The following SLC16A1 variants were observed in gnomAD, a reference collection of about 807,000 sequenced individuals.
SLC16A1 encodes the protein monocarboxylate transporter 1.
In SLC16A1, 11 loss-of-function variants were observed where a neutral mutation model predicts 32.2. The observed-to-expected ratio is 0.34, with a 90% CI of 0.21 to 0.56. The LOEUF is 0.56. Ranked by LOEUF, SLC16A1 falls within the 20% of genes least tolerant of loss-of-function variation. SLC16A1 has a pLI of 0.87. For synonymous variants in SLC16A1, 231 were observed against 226.8 expected (o/e 1.02, Z -0.17); for missense variants, 435 against 615.0 (o/e 0.71, Z 3.10).
At position 112,934,565 on chromosome 1, in the gene SLC16A1, C is replaced by G. The variant is rs557606034; in HGVS notation, c.-44-5213G>C. Among the ~76,000 whole-genome samples, 171 of 152,180 alleles carry G rather than the reference C, an allele frequency of 1.1e-3. 1 individual carries two copies. The highest frequency in any genetic ancestry group is 3.9e-3 in the African/African-American group (161 of 41,536). Reference sequence around the variant, plus strand: ...AGCTGATCAAAACCAAAAGAAAGTCCAAGGACAGTGACAAGGGGAATAAAA... The same window carrying G: ...AGCTGATCAAAACCAAAAGAAAGTCGAAGGACAGTGACAAGGGGAATAAAA... On this transcript the variant is annotated intron_variant, in intron 1 of 4. Transcript: ENST00000369626.
chr1:112,943,723 G>A (rs1395295595), intron 1 of SLC16A1, among the ~76,000 whole-genome samples: 2 of 148,998 alleles, frequency 1.3e-5, no homozygotes, highest in Admixed American at 6.7e-5. Context: ...AGGAGGCGGA[G>A]GTTGTGGTGA....
chr1:112,917,938 C>A lies in SLC16A1; in HGVS notation c.468G>T (p.Val156=). Residue 156 remains valine (V), a synonymous_variant, in exon 4 of 5, where the codon GTG becomes GTT. Transcript: ENST00000369626. The surrounding 1 kb of genome is among the most constrained non-coding windows in gnomAD (Gnocchi z 4.1). ...ANGLAMAGSP[V]FLCTLAPLNQ... ...TGAGGGGGGCCAGAGTACAGAGGAA[C>A]ACAGGGCTGCCTGCCATGGCCAGTC... The A allele has an allele frequency of 6.3e-7, 1 of 1,595,592 alleles. No homozygotes were observed. Among genetic ancestry groups the A allele is most frequent in the Non-Finnish European group, 8.5e-7 (1 of 1,174,540 alleles).
chr1:112,948,152 G>A (rs1649765774), intron 1 of SLC16A1, among the ~76,000 whole-genome samples: 1 of 152,104 alleles, frequency 6.6e-6, no homozygotes, highest in Non-Finnish European at 1.5e-5. Flanking sequence ...CCCAGGAGGC[G>A]GAGGTTGCAA....
At chr1:112,955,709 C>A (rs1475036418) in intron 1 of SLC16A1, 1 of 152,292 alleles carries the variant, frequency 6.6e-6, no homozygotes, top group Non-Finnish European at 1.5e-5. Flanking sequence ...TCTCGAGGAG[C>A]CTATTGAAGA....
At chr1:112,933,753 G>T (rs1289793723) in intron 1 of SLC16A1, among the ~76,000 whole-genome samples, 1 of 152,124 alleles carries the variant, frequency 6.6e-6, no homozygotes, top group Non-Finnish European at 1.5e-5. Context: ...GACTTTGTGG[G>T]GTTATAAAGC....
intron 4 of SLC16A1, among the ~76,000 whole-genome samples, chr1:112,915,150 G>A (rs762123764): frequency 1.2e-4 from 19 of 152,224 alleles, no homozygotes; most frequent in Non-Finnish European, 2.1e-4. Context: ...CTGAGGATAA[G>A]GGTGAACAGA....
chr1:112,951,630 A>G (rs1422385890), intron 1 of SLC16A1, among the ~76,000 whole-genome samples: 3 of 152,204 alleles, frequency 2.0e-5, no homozygotes, highest in African/African-American at 4.8e-5. Flanking sequence ...TCCAAGAAAG[A>G]GCATGAAAGA....
intron 3 of SLC16A1, among the ~76,000 whole-genome samples, chr1:112,921,140 CA>C (rs11352959): frequency 0.31 from 26,977 of 88,208 alleles, 2,364 homozygotes; most frequent in African/African-American, 0.39. Flanking sequence ...GACTCCGTCT[CA>C]AAAAAAAAAA....
intron 2 of SLC16A1, among the ~76,000 whole-genome samples, chr1:112,927,965 A>C (rs1331733949): frequency 2.6e-5 from 4 of 152,328 alleles, no homozygotes; most frequent in East Asian, 1.9e-4. Context: ...AAATCCTGGC[A>C]GAATGGAGTT....
chr1:112,923,381 C>T (rs1557846822), intron 2 of SLC16A1: 3 of 591,806 alleles, frequency 5.1e-6, no homozygotes, highest in Admixed American at 4.8e-5. Context: ...CCAACCACTG[C>T]ACGTTGCTCC....
At chr1:112,922,421 A>G (rs1286729840) in intron 2 of SLC16A1, 1 of 424,926 alleles carries the variant, frequency 2.4e-6, no homozygotes, top group Non-Finnish European at 4.3e-6. Flanking sequence ...GCAGGCTGAA[A>G]ACACCTTGGT....
At chr1:112,954,866 C>G (rs1650018954) in intron 1 of SLC16A1, among the ~76,000 whole-genome samples, 1 of 151,960 alleles carries the variant, frequency 6.6e-6, no homozygotes, top group Non-Finnish European at 1.5e-5. Context: ...AAGTCGTGCC[C>G]CAGGGTGTAA....
rs1648864941 is a variant in SLC16A1, at chr1:112,924,511, G to A, written c.218-2378C>T. Reference sequence around the variant, plus strand: ...GAAGAATGAAACCTCCTGGGGTGCTGTGTGTTAGTCTGTTTGCATTGCTAT... The same window carrying A: ...GAAGAATGAAACCTCCTGGGGTGCTATGTGTTAGTCTGTTTGCATTGCTAT... On this transcript the variant is annotated intron_variant, in intron 2 of 4. Coordinates refer to ENST00000369626, the MANE Select transcript of SLC16A1 (RefSeq NM_003051.4). Among the ~76,000 whole-genome samples the A allele has an allele frequency of 1.3e-5, 2 of 152,144 alleles. 1 individual carries two copies. Among genetic ancestry groups the A allele is most frequent in the South Asian group, 4.1e-4 (2 of 4,828 alleles).
At chr1:112,946,090 T>C (rs536586690) in intron 1 of SLC16A1, among the ~76,000 whole-genome samples, 24 of 152,348 alleles carry the variant, frequency 1.6e-4, no homozygotes, top group African/African-American at 5.5e-4. Context: ...ACTAGAAATT[T>C]AGGATATAAT....
chr1:112,934,073 GA>G (rs948518609), intron 1 of SLC16A1, among the ~76,000 whole-genome samples: 18 of 151,684 alleles, frequency 1.2e-4, no homozygotes, highest in African/African-American at 3.9e-4. Flanking sequence ...TGTTAAGTAG[GA>G]AAAAAAAGCT....
At position 112,923,985 on chromosome 1, in the gene SLC16A1, G is replaced by A. The variant is rs1307144982; in HGVS notation, c.218-1852C>T. The A allele has an allele frequency of 2.7e-6, 4 of 1,454,568 alleles. No individual in the cohort carries two copies. The East Asian group carries it at 6.8e-5, about 25-fold the overall frequency. The allele number at this position is 1,454,568 out of a possible 1,614,324, so 90.1% of individuals were successfully genotyped here. ...GCTGACTGGCAAGTACAAGTATAAG[G>A]ACAAGGACAGGAAACAGCCCATGGG... is the stretch of plus-strand genomic sequence containing the variant. On this transcript the variant is annotated intron_variant, in intron 2 of 4. Transcript: ENST00000369626.
chr1:112,951,766 G>A (rs1649904218), intron 1 of SLC16A1, among the ~76,000 whole-genome samples: 1 of 151,890 alleles, frequency 6.6e-6, no homozygotes, highest in Non-Finnish European at 1.5e-5. Context: ...CTTTTAAGAG[G>A]ATATACCTCA....
rs139836679 is a variant in SLC16A1, at chr1:112,929,297, T to C, written c.12A>G (p.Ala4=). MPP[A]VGGPVGYTPP... ...GGGTGTATCCAACTGGACCTCCAAC[T>C]GCTGGTGGCATTTTAAGTGTAGATA... is the stretch of plus-strand genomic sequence containing the variant. Residue 4 remains alanine (A), a synonymous_variant, in exon 2 of 5, where the codon GCA becomes GCG. Transcript: ENST00000369626. 6.2e-7 allele frequency: 1 copy of C among 1,613,826 alleles called. No homozygotes were observed. Among genetic ancestry groups the C allele is most frequent in the African/African-American group, 1.3e-5 (1 of 74,920 alleles).
chr1:112,944,992 CTCTT>C (rs1168382974), intron 1 of SLC16A1, among the ~76,000 whole-genome samples: 3 of 130,404 alleles, frequency 2.3e-5, no homozygotes, highest in African/African-American at 9.2e-5. Flanking sequence ...TGCACCCAGC[CTCTT>C]TTTTTTTTTT....
Sources: gnomAD v4.1 joint callset for allele counts (sites outside exome capture counted in the v4.1 genomes callset) on GRCh38, gnomAD v4.1.1 for gene constraint, Gnocchi (gnomAD v3.1) non-coding constraint, MANE v1.5 for transcripts, NCBI Gene and HGNC (gene_info 2026-07-23, HGNC 2026-07-21) for gene names.